Variants in ZSCAN5A observed in about 807,000 individuals in gnomAD.
The protein encoded by ZSCAN5A is zinc finger and SCAN domain-containing protein 5A.
Under a neutral mutation model 23.7 loss-of-function variants are expected in ZSCAN5A, and 12 were observed. That is an observed-to-expected ratio of 0.51 (90% confidence interval 0.32 to 0.82). The LOEUF (loss-of-function observed/expected upper bound fraction) is 0.82. Among genes scored for constraint, ZSCAN5A ranks in the 40% least tolerant of loss-of-function variants. The pLI is 0.03. For missense variants in ZSCAN5A, 597 were observed against 617.9 expected (o/e 0.97, Z 0.36); for synonymous variants, 257 against 239.9 (o/e 1.07, Z -0.66).
rs570207071 is a variant in ZSCAN5A at position 56,287,049 on chromosome 19, A to G, written c.-128+26234T>C. Among the ~76,000 whole-genome samples the G allele has an allele frequency of 3.4e-3, 516 of 152,356 alleles. 7 individuals carry two copies. Among genetic ancestry groups the G allele is most frequent in the African/African-American group, 0.012 (490 of 41,584 alleles). ...GATATTAGGGAGCTGGTGAAAGTGG[A>G]TTTGACTCCTTCCCACCCCCACCAT... is the stretch of plus-strand genomic sequence containing the variant. On this transcript the variant is annotated intron_variant, in intron 2 of 5. Transcript: ENST00000683990.
At position 56,351,872 on chromosome 19, in the gene ZSCAN5A, T is replaced by C. The variant is rs1452820500; in HGVS notation, c.-358+11363A>G. Among the ~76,000 whole-genome samples, 1 of 152,178 alleles carries C rather than the reference T, an allele frequency of 6.6e-6. No individual in the cohort carries two copies. Among genetic ancestry groups the C allele is most frequent in the East Asian group, 1.9e-4 (1 of 5,184 alleles). On this transcript the variant is annotated intron_variant, in intron 2 of 6. Transcript: ENST00000587340. The surrounding 1 kb of genome is among the most constrained non-coding windows in gnomAD (Gnocchi z 4.8). ...TTTCTTTAGATGGCTGGTGGATCTA[T>C]CTGGATTGAAGGGATTCCTTTTCCC...
At chr19:56,246,796 G>A in intron 2 of ZSCAN5A, 1 of 1,608,862 alleles carries the variant, frequency 6.2e-7, no homozygotes, top group Non-Finnish European at 8.5e-7. Context: ...AAATGTGGAT[G>A]CTGACACACC....
intron 2 of ZSCAN5A, among the ~76,000 whole-genome samples, chr19:56,259,731 T>C (rs928661051): frequency 6.6e-6 from 1 of 152,220 alleles, no homozygotes; most frequent in Non-Finnish European, 1.5e-5. Flanking sequence ...CCCAGCACTT[T>C]GGGAGGCCAA....
chr19:56,297,332 G>GTTTCT (rs988704829), intron 2 of ZSCAN5A, among the ~76,000 whole-genome samples: 1 of 151,820 alleles, frequency 6.6e-6, no homozygotes, highest in Non-Finnish European at 1.5e-5. Flanking sequence ...TCACCTGATG[G>GTTTCT]TTTCTTTTCT....
intron 1 of ZSCAN5A, among the ~76,000 whole-genome samples, chr19:56,364,551 T>C (rs559358450): frequency 6.6e-6 from 1 of 152,318 alleles, no homozygotes; most frequent in East Asian, 1.9e-4. Flanking sequence ...CTGACAGTTT[T>C]TTAAAAAATT....
At position 56,351,194 on chromosome 19, in the gene ZSCAN5A, C is replaced by G. The variant is rs1437076366; in HGVS notation, c.-358+12041G>C. ...ATAAGAAATCTCTTTTCTAACCAAG[C>G]AATCTCTTTTCTAACCAAAAAGGCG... On this transcript the variant is annotated intron_variant, in intron 2 of 6. Transcript: ENST00000587340. This position sits in a 1 kb window ranked among gnomAD's most constrained non-coding sequence, Gnocchi z 4.8. Among the ~76,000 whole-genome samples the G allele has an allele frequency of 1.3e-5, 2 of 152,094 alleles. No individual in the cohort carries two copies. The highest frequency in any genetic ancestry group is 2.4e-5 in the African/African-American group (1 of 41,416).
intron 2 of ZSCAN5A, among the ~76,000 whole-genome samples, chr19:56,305,321 C>A (rs562483612): frequency 6.6e-6 from 1 of 152,350 alleles, no homozygotes; most frequent in East Asian, 1.9e-4. Context: ...TCATTTCATA[C>A]ACATGGAATC....
Position 56,221,490 on chromosome 19 carries a change from C to A in ZSCAN5A, c.*85G>T, listed in dbSNP as rs1285025769. The A allele has an allele frequency of 4.7e-6, 7 of 1,493,322 alleles. No individual in the cohort carries two copies. Among genetic ancestry groups the A allele is most frequent in the Admixed American group, 2.3e-5 (1 of 44,240 alleles). 92.5% of individuals were successfully genotyped at this position (1,493,322 alleles called of 1,614,324 possible). A position where few individuals can be genotyped will look rare whatever the true frequency, so the allele number is the denominator to read the frequency against. ...TCCCTCTGTGTGTCAGACGCCCTTG[C>A]ATGTGTCAAATGTCATCTGATAACA... On this transcript the variant is annotated 3_prime_UTR_variant, in exon 6 of 6. Coordinates refer to ENST00000683990, the MANE Select transcript of ZSCAN5A (RefSeq NM_001322064.3).
chr19:56,244,122 C>T (rs2035658346), intron 2 of ZSCAN5A: 1 of 1,568,666 alleles, frequency 6.4e-7, no homozygotes, highest in Non-Finnish European at 8.8e-7. Flanking sequence ...CAGTCTGTGG[C>T]TTCCCCAGAA....
chr19:56,255,047 T>C lies in ZSCAN5A; in HGVS notation c.-127-29874A>G, dbSNP rs117841617. 3.6e-3 allele frequency among the ~76,000 whole-genome samples: 541 copies of C among 151,888 alleles called. 1 individual carries two copies. The highest frequency in any genetic ancestry group is 0.023 in the East Asian group (117 of 5,188). On this transcript the variant is annotated intron_variant, in intron 2 of 5. Transcript: ENST00000683990. ...AAAACTGTGAGTTTTAAAATATATA[T>C]TTTAAAATATATATTTTCTTATTAC...
rs777154770 is a variant in ZSCAN5A, at chr19:56,222,601, T to C, written c.729A>G (p.Pro243=). ...AGTCTTCATACTCACTGGGACTCTT[T>C]GGAAGCTGAGGCTCTGGGGATGTCA... ...PGLTSPEPQL[P]KSPTDLVRAK... The change falls in exon 5 of 6, where the codon CCA becomes CCG. Residue 243 remains proline, a synonymous_variant. Transcript: ENST00000683990. 5.0e-6 allele frequency: 8 copies of C among 1,614,058 alleles called. No individual in the cohort carries two copies. Among genetic ancestry groups the C allele is most frequent in the East Asian group, 2.2e-5 (1 of 44,888 alleles).
In ZSCAN5A at chr19:56,314,791, G is replaced by C. The variant is rs566009172; in HGVS notation, c.-340C>G. On this transcript the variant is annotated 5_prime_UTR_variant, in exon 1 of 6. Coordinates refer to ENST00000683990, the MANE Select transcript of ZSCAN5A (RefSeq NM_001322064.3). ...CATCGTGGTAGGACCTGGCGAGTGGGGCCGGGGAGAGCGGGACGCCTGGAT... is the reference window on the plus strand; with the variant it reads ...CATCGTGGTAGGACCTGGCGAGTGGCGCCGGGGAGAGCGGGACGCCTGGAT... The C allele has an allele frequency of 3.3e-5, 5 of 152,310 alleles. No individual in the cohort carries two copies. Among genetic ancestry groups the C allele is most frequent in the Admixed American group, 2.6e-4 (4 of 15,288 alleles). 9.4% of individuals were successfully genotyped at this position (152,310 alleles called of 1,614,324 possible). A position where few individuals can be genotyped will look rare whatever the true frequency, so the allele number is the denominator to read the frequency against.
chr19:56,249,179 G>A (rs2036168870), intron 2 of ZSCAN5A, among the ~76,000 whole-genome samples: 1 of 152,162 alleles, frequency 6.6e-6, no homozygotes. Flanking sequence ...CATCCTGAAG[G>A]CTTTGCTAAT....
rs535975167 is a variant in ZSCAN5A, at chr19:56,356,564, G to T, written c.-358+6671C>A. ...CTAACTTCTACTACGGGGTGGGGAC[G>T]GGGGCGCTACCTTATAACTAAGCCC... is the stretch of plus-strand genomic sequence containing the variant. On this transcript the variant is annotated intron_variant, in intron 2 of 6. Coordinates refer to the ZSCAN5A transcript ENST00000587340. Among the ~76,000 whole-genome samples the T allele has an allele frequency of 8.1e-5, 12 of 147,828 alleles. 2 individuals carry two copies. The highest frequency in any genetic ancestry group is 3.1e-4 in the African/African-American group (12 of 39,004).
chr19:56,222,556 G>A, intron 5 of ZSCAN5A, 35 bp downstream of exon 5: 21 of 1,611,438 alleles, frequency 1.3e-5, no homozygotes, highest in Non-Finnish European at 1.8e-5. Context: ...AGAAGAGAGG[G>A]ACTAACCCCT....
intron 2 of ZSCAN5A, among the ~76,000 whole-genome samples, chr19:56,356,926 G>C (rs1453835782): frequency 6.7e-6 from 1 of 148,700 alleles, no homozygotes; most frequent in Non-Finnish European, 1.5e-5. Context: ...TTGTCATGTA[G>C]GTTGTAGGCA....
chr19:56,322,401 A>G (rs2041385729), intron 2 of ZSCAN5A: 1 of 665,854 alleles, frequency 1.5e-6, no homozygotes, highest in South Asian at 1.6e-5. Flanking sequence ...CTAGGCCTAC[A>G]AATTTGTCCA....
intron 2 of ZSCAN5A, among the ~76,000 whole-genome samples, chr19:56,291,386 T>G (rs938612244): frequency 3.3e-5 from 5 of 152,084 alleles, no homozygotes; most frequent in Non-Finnish European, 5.9e-5. Context: ...TCTAAAGGAG[T>G]AAAGTCTCAA....
At chr19:56,343,284 G>T in intron 2 of ZSCAN5A, 2 of 780,730 alleles carry the variant, frequency 2.6e-6, no homozygotes, top group South Asian at 1.5e-5. Flanking sequence ...GCTTTGCCAG[G>T]AGAAGCCACT....
Sources: allele counts gnomAD v4.1 joint callset (sites outside exome capture counted in the v4.1 genomes callset), GRCh38; gene constraint gnomAD v4.1.1; non-coding constraint Gnocchi (gnomAD v3.1); transcripts MANE v1.5; gene names NCBI Gene and HGNC (gene_info 2026-07-23, HGNC 2026-07-21).